SUMF1: variants seen among roughly 807,000 people sequenced by gnomAD.
SUMF1 encodes sulfatase modifying factor 1.
Under a neutral mutation model 47.6 loss-of-function variants are expected in SUMF1, and 48 were observed. That is an observed-to-expected ratio of 1.01 (90% CI 0.80 to 1.28). SUMF1 has a LOEUF of 1.28. SUMF1 is among the 50% of genes most tolerant of loss of function. The pLI, the probability that SUMF1 is intolerant of heterozygous loss-of-function variation, is 0.00. For synonymous variants in SUMF1, 230 were observed against 192.1 expected (o/e 1.20, Z -1.63); for missense variants, 571 against 485.4 (o/e 1.18, Z -1.66).
intron 8 of SUMF1, among the ~76,000 whole-genome samples, chr3:4,149,144 T>G (rs1288661199): frequency 6.6e-6 from 1 of 152,116 alleles, no homozygotes; most frequent in Non-Finnish European, 1.5e-5. Flanking sequence ...CGTTTTGCCC[T>G]ACAGAGAGGT....
chr3:4,079,847 G>T (rs1439524586), intron 8 of SUMF1, among the ~76,000 whole-genome samples: 1 of 151,306 alleles, frequency 6.6e-6, no homozygotes, highest in African/African-American at 2.4e-5. Context: ...AGATGGAGAA[G>T]CTGAAGCTGC....
At chr3:4,327,418 C>T (rs1698967778) in intron 8 of SUMF1, among the ~76,000 whole-genome samples, 1 of 152,122 alleles carries the variant, frequency 6.6e-6, no homozygotes, top group African/African-American at 2.4e-5. Flanking sequence ...TTGTTGTTTT[C>T]TGTAGCCGAC....
intron 8 of SUMF1, among the ~76,000 whole-genome samples, chr3:4,350,651 A>G (rs13434246): frequency 0.16 from 24,752 of 152,124 alleles, 2,097 homozygotes; most frequent in Middle Eastern, 0.26. Context: ...ATAGTTAAAA[A>G]TGAGATAATT....
chr3:4,105,713 TAAGAC>T (rs1693142756), intron 8 of SUMF1, among the ~76,000 whole-genome samples: 1 of 152,070 alleles, frequency 6.6e-6, no homozygotes, highest in South Asian at 2.1e-4. Context: ...TAAAAAGAAA[TAAGAC>T]AAGACGATAA....
chr3:4,241,474 A>G (rs780313348), intron 8 of SUMF1, among the ~76,000 whole-genome samples: 1 of 152,164 alleles, frequency 6.6e-6, no homozygotes, highest in Non-Finnish European at 1.5e-5. Flanking sequence ...TAAGTCATGT[A>G]ACCAATATGG....
intron 7 of SUMF1, among the ~76,000 whole-genome samples, chr3:4,380,205 G>C (rs544721899): frequency 6.6e-6 from 1 of 152,114 alleles, no homozygotes. Flanking sequence ...TAAAGAAAAC[G>C]TGGTACATAT....
rs145478297 is a variant in SUMF1 at position 4,417,667 on chromosome 3, G to A, written c.725+343C>T. Among the ~76,000 whole-genome samples the A allele has an allele frequency of 3.6e-4, 55 of 152,324 alleles. 2 individuals are homozygous for A. The highest frequency in any genetic ancestry group is 1.9e-3 in the East Asian group (10 of 5,180). ...TCTGTCTCATGGCTCTAGAAGCAGA[G>A]ACATACCGCTGCTTCAGGAGATGCC... On this transcript the variant is annotated intron_variant, in intron 5 of 8. Transcript: ENST00000272902.
intron 8 of SUMF1, among the ~76,000 whole-genome samples, chr3:4,219,126 C>T (rs1385743862): frequency 6.6e-6 from 1 of 152,182 alleles, no homozygotes; most frequent in Non-Finnish European, 1.5e-5. Flanking sequence ...GCCTGTTTAA[C>T]TGCAATTACT....
At chr3:4,119,198 C>T (rs918628486) in intron 8 of SUMF1, among the ~76,000 whole-genome samples, 14 of 152,274 alleles carry the variant, frequency 9.2e-5, no homozygotes, top group Middle Eastern at 3.4e-3. Context: ...CTCTCTCCGC[C>T]TACATTGTCA....
rs576338617 is a variant in SUMF1 at position 4,435,961 on chromosome 3, A to T, written c.519+13305T>A. Among the ~76,000 whole-genome samples the T allele has an allele frequency of 2.6e-5, 4 of 152,342 alleles. No homozygotes were observed. The South Asian group carries it at 8.3e-4, about 32-fold the overall frequency. ...AAGAGCAACAGAAATGGTTTGGATA[A>T]ATATAACAGACTATTTTTCTTCTTT... On this transcript the variant is annotated intron_variant, in intron 3 of 8. Transcript: ENST00000272902.
In SUMF1 at chr3:4,138,554, A is replaced by C. The variant is rs73114448; in HGVS notation, c.1015-69809T>G. ...AGTATGTGATAAAGTCTTACTAAAA[A>C]CTCTGAAAACCAAAGCTCAGTGAGC... On this transcript the variant is annotated intron_variant and NMD_transcript_variant, in intron 8 of 12. Transcript: ENST00000448413. Among the ~76,000 whole-genome samples, 1,419 of 151,994 alleles carry C rather than the reference A, an allele frequency of 9.3e-3. 24 individuals carry two copies. Among genetic ancestry groups the C allele is most frequent in the African/African-American group, 0.033 (1,355 of 41,432 alleles).
intron 8 of SUMF1, among the ~76,000 whole-genome samples, chr3:4,249,125 C>T (rs1696735847): frequency 6.6e-6 from 1 of 152,182 alleles, no homozygotes; most frequent in Non-Finnish European, 1.5e-5. Flanking sequence ...GCATTGGCTT[C>T]AAAATCAGTA....
intron 9 of SUMF1, among the ~76,000 whole-genome samples, chr3:4,054,337 A>T (rs1015296610): frequency 6.6e-6 from 1 of 152,216 alleles, no homozygotes; most frequent in South Asian, 2.1e-4. Flanking sequence ...ATCTTTTGAA[A>T]TGTCAGCACT....
At chr3:4,091,601 T>G (rs1444913638) in intron 8 of SUMF1, among the ~76,000 whole-genome samples, 2 of 152,104 alleles carry the variant, frequency 1.3e-5, no homozygotes, top group African/African-American at 4.8e-5. Flanking sequence ...TAAGACAACC[T>G]CGAATAGGAT....
intron 8 of SUMF1, among the ~76,000 whole-genome samples, chr3:4,309,490 G>A (rs568752481): frequency 2.6e-5 from 4 of 152,226 alleles, no homozygotes; most frequent in African/African-American, 9.6e-5. Flanking sequence ...TTGTTTGCAA[G>A]AAACATAACA....
chr3:4,419,044 T>A (rs900191289), intron 4 of SUMF1, among the ~76,000 whole-genome samples: 2 of 152,250 alleles, frequency 1.3e-5, no homozygotes, highest in Non-Finnish European at 2.9e-5. Context: ...CATGTGCCAG[T>A]CACTGTTTCC....
At chr3:4,326,522 G>GTTTTTTTTTTTTTTTTTTTTTTT (rs35648890) in intron 8 of SUMF1, among the ~76,000 whole-genome samples, 3 of 128,682 alleles carry the variant, frequency 2.3e-5, no homozygotes, top group African/African-American at 6.7e-5. Flanking sequence ...TTTTCCAAGG[G>GTTTTTTTTTTTTTTTTTTTTTTT]TTTTTTTTTT....
intron 8 of SUMF1, among the ~76,000 whole-genome samples, chr3:4,070,198 T>C (rs545339657): frequency 6.6e-6 from 1 of 152,306 alleles, no homozygotes; most frequent in South Asian, 2.1e-4. Flanking sequence ...ACCAATGTAT[T>C]TCTTAAATGT....
At chr3:4,266,567 T>C (rs1275815894) in intron 8 of SUMF1, among the ~76,000 whole-genome samples, 2 of 152,212 alleles carry the variant, frequency 1.3e-5, no homozygotes, top group Non-Finnish European at 2.9e-5. Flanking sequence ...TTTTTGTACA[T>C]TGACTTTGTA....
Sources: allele counts gnomAD v4.1 joint callset (sites outside exome capture counted in the v4.1 genomes callset), GRCh38; gene constraint gnomAD v4.1.1; transcripts MANE v1.5; gene names NCBI Gene and HGNC (gene_info 2026-07-23, HGNC 2026-07-21).